Variants in FHIT observed in about 807,000 individuals in gnomAD.
The protein encoded by FHIT is fragile histidine triad diadenosine triphosphatase, also known as bis(5'-adenosyl)-triphosphatase.
In FHIT, 19 loss-of-function variants were observed where a neutral mutation model predicts 17.9. The ratio of observed to expected loss-of-function variants is 1.06; its 90% CI spans 0.74 to 1.56. FHIT has a LOEUF of 1.56. Ranked by LOEUF, FHIT falls within the 40% of genes most tolerant of loss-of-function variation. The probability of loss-of-function intolerance (pLI) is 0.00; values close to 1 mark genes in which losing one functional copy is unlikely to be tolerated. For synonymous variants in FHIT, 81 were observed against 69.7 expected (o/e 1.16, Z -0.81); for missense variants, 248 against 189.2 (o/e 1.31, Z -1.82).
chr3:60,753,032 A>G (rs986965584), intron 4 of FHIT, among the ~76,000 whole-genome samples: 2 of 152,196 alleles, frequency 1.3e-5, no homozygotes, highest in African/African-American at 4.8e-5. Flanking sequence ...ACCCATCTGG[A>G]ACTAGTTGTG....
intron 5 of FHIT, among the ~76,000 whole-genome samples, chr3:60,279,908 T>A (rs1220886857): frequency 1.3e-5 from 2 of 151,788 alleles, no homozygotes; most frequent in African/African-American, 4.8e-5. Context: ...GGCAGGCACT[T>A]CTAGTCTCAG....
chr3:60,542,122 T>C (rs2036205760), intron 4 of FHIT, among the ~76,000 whole-genome samples: 2 of 152,230 alleles, frequency 1.3e-5, no homozygotes, highest in Admixed American at 1.3e-4. Context: ...TGTATATAAA[T>C]TGTAGGTTTT....
intron 2 of FHIT, among the ~76,000 whole-genome samples, chr3:61,095,738 C>T (rs2035618793): frequency 6.6e-6 from 1 of 152,198 alleles, no homozygotes; most frequent in Non-Finnish European, 1.5e-5. Flanking sequence ...TTTTCGCTGC[C>T]ACCACATTTA....
chr3:60,703,359 G>A (rs372196139), intron 4 of FHIT, among the ~76,000 whole-genome samples: 1 of 152,176 alleles, frequency 6.6e-6, no homozygotes, highest in African/African-American at 2.4e-5. Flanking sequence ...GTTATTTTAA[G>A]CCACTCATTA....
At chr3:59,874,278 T>C (rs903518856) in intron 8 of FHIT, among the ~76,000 whole-genome samples, 2 of 152,224 alleles carry the variant, frequency 1.3e-5, no homozygotes, top group African/African-American at 4.8e-5. Flanking sequence ...CATGTGTTAA[T>C]GCAAAGGGCT....
At chr3:60,146,002 C>G (rs1233674958) in intron 5 of FHIT, among the ~76,000 whole-genome samples, 1 of 152,142 alleles carries the variant, frequency 6.6e-6, no homozygotes, top group East Asian at 1.9e-4. Context: ...GCTTTGTCAT[C>G]AAAAGCTGTA....
At chr3:60,411,640 T>C (rs1284353125) in intron 5 of FHIT, among the ~76,000 whole-genome samples, 6 of 152,216 alleles carry the variant, frequency 3.9e-5, no homozygotes, top group Non-Finnish European at 5.9e-5. Context: ...GATGTTGGTC[T>C]ATTTTGTGAT....
At chr3:60,222,578 C>A (rs1480581174) in intron 5 of FHIT, among the ~76,000 whole-genome samples, 1 of 152,156 alleles carries the variant, frequency 6.6e-6, no homozygotes, top group East Asian at 1.9e-4. Flanking sequence ...ATCACGAGGT[C>A]AGGAGTTCGA....
rs1223121576 is a variant in FHIT, at chr3:60,411,837, T to C, written c.103+125023A>G. Among the ~76,000 whole-genome samples, 9 of 152,178 alleles carry C rather than the reference T, an allele frequency of 5.9e-5. No individual in the cohort carries two copies. In the East Asian group the frequency reaches 1.7e-3, roughly 29 times the overall value. On this transcript the variant is annotated intron_variant, in intron 5 of 9. Transcript: ENST00000492590. ...CTGGATCCACCTGACAATGCTGAAA[T>C]ATCTAGTAGAAACAATTCCCAAAGA... is the stretch of plus-strand genomic sequence containing the variant.
At chr3:59,750,851 A>G (rs1202591093) in intron 9 of FHIT, 1 of 206,024 alleles carries the variant, frequency 4.9e-6, no homozygotes, top group Non-Finnish European at 9.9e-6. Flanking sequence ...TTTTCTAGCT[A>G]AAAATCATGA....
At chr3:60,744,270 A>AAAAAAAAAAAAAAAAAAAAAAAAAC (rs1577150242) in intron 4 of FHIT, among the ~76,000 whole-genome samples, 1 of 22,516 alleles carries the variant, frequency 4.4e-5, no homozygotes, top group Non-Finnish European at 8.7e-5. Context: ...AAACAAAACA[A>AAAAAAAAAAAAAAAAAAAAAAAAAC]AAAAAAAAAA....
At chr3:60,816,709 G>A (rs886510808) in intron 4 of FHIT, among the ~76,000 whole-genome samples, 2 of 150,942 alleles carry the variant, frequency 1.3e-5, no homozygotes, top group Non-Finnish European at 3.0e-5. Flanking sequence ...TTTTTTTATT[G>A]TGTGTTTGTC....
intron 5 of FHIT, among the ~76,000 whole-genome samples, chr3:60,414,147 T>C (rs1359806459): frequency 1.3e-5 from 2 of 152,312 alleles, no homozygotes; most frequent in Admixed American, 6.5e-5. Flanking sequence ...AGGATCTAGA[T>C]GGAGCTCTAA....
In FHIT at chr3:60,807,023, C is replaced by T. The variant is rs554978216; in HGVS notation, c.-18+14896G>A. On this transcript the variant is annotated intron_variant, in intron 4 of 9. Transcript: ENST00000492590. ...AAATAATAAAGAGGAAAATGAGAGG[C>T]TATTAGCGCCACTTCCATTCTCCAG... 2.6e-5 allele frequency among the ~76,000 whole-genome samples: 4 copies of T among 152,306 alleles called. No homozygotes were observed. The South Asian group carries it at 8.3e-4, about 32-fold the overall frequency.
chr3:61,023,972 T>C (rs959320162), intron 3 of FHIT, among the ~76,000 whole-genome samples: 3 of 152,108 alleles, frequency 2.0e-5, no homozygotes, highest in Non-Finnish European at 1.5e-5. Context: ...CCAAAAGCAA[T>C]GGCAACAAAA....
At chr3:60,744,271 A>AAAC (rs2042308603) in intron 4 of FHIT, among the ~76,000 whole-genome samples, 3 of 52,138 alleles carry the variant, frequency 5.8e-5, no homozygotes, top group East Asian at 1.0e-3. Flanking sequence ...AACAAAACAA[A>AAAC]AAAAAAAAAA....
chr3:60,224,734 T>C (rs2107540328), intron 5 of FHIT, among the ~76,000 whole-genome samples: 1 of 151,846 alleles, frequency 6.6e-6, no homozygotes, highest in East Asian at 1.9e-4. Flanking sequence ...TTTATTTTAT[T>C]TTATTTTATT....
chr3:60,228,506 A>T (rs1704326177), intron 5 of FHIT, among the ~76,000 whole-genome samples: 1 of 152,176 alleles, frequency 6.6e-6, no homozygotes, highest in Non-Finnish European at 1.5e-5. Flanking sequence ...GATAAAATTT[A>T]AAAAAATAAA....
intron 5 of FHIT, among the ~76,000 whole-genome samples, chr3:60,047,728 C>G (rs1417542083): frequency 6.6e-6 from 1 of 152,150 alleles, no homozygotes; most frequent in Non-Finnish European, 1.5e-5. Flanking sequence ...CCCAATAACT[C>G]TACGAGGTAA....
Sources: allele counts gnomAD v4.1 joint callset (sites outside exome capture counted in the v4.1 genomes callset), GRCh38; gene constraint gnomAD v4.1.1; transcripts MANE v1.5; gene names NCBI Gene and HGNC (gene_info 2026-07-23, HGNC 2026-07-21).